Variants in FHAD1 observed in about 807,000 individuals in gnomAD.
FHAD1 encodes the protein forkhead-associated domain-containing protein 1.
FHAD1 carries 146 observed loss-of-function variants against 191.3 expected under a neutral mutation model. That is an observed-to-expected ratio of 0.76 (90% CI 0.67 to 0.88). The LOEUF (loss-of-function observed/expected upper bound fraction) is 0.88. Ranked by LOEUF, FHAD1 falls within the 40% of genes least tolerant of loss-of-function variation. The pLI is 0.00. For missense variants in FHAD1, 1,635 were observed against 1,785.8 expected, an observed-to-expected ratio of 0.92 and a Z score of 1.52; for synonymous variants, 616 against 672.3, an observed-to-expected ratio of 0.92 and a Z score of 1.29.
At chr1:15,284,680 C>T (rs1314762664) in intron 3 of FHAD1, among the ~76,000 whole-genome samples, 1 of 151,962 alleles carries the variant, frequency 6.6e-6, no homozygotes, top group East Asian at 1.9e-4. Context: ...CAGATGTTAG[C>T]GTAATAACAC....
chr1:15,278,475 C>CTTTTTCTTTTT (rs1659300954), intron 3 of FHAD1, among the ~76,000 whole-genome samples: 1 of 124,324 alleles, frequency 8.0e-6, no homozygotes, highest in Admixed American at 8.4e-5. Flanking sequence ...TTCATTACCT[C>CTTTTTCTTTTT]TTTTTTTTTT....
chr1:15,396,025 A>G lies in FHAD1; in HGVS notation c.4324-1272A>G, dbSNP rs118051654. On this transcript the variant is annotated intron_variant, in intron 33 of 33. Coordinates refer to ENST00000688493, the MANE Select transcript of FHAD1 (RefSeq NM_001391957.1). Reference sequence around the variant, plus strand: ...TGGTTTCAAACTAAAAAATATGTAAAGGGACCAGGCTTGGTGGCTCACACC... The same window carrying G: ...TGGTTTCAAACTAAAAAATATGTAAGGGGACCAGGCTTGGTGGCTCACACC... 8.9e-4 allele frequency among the ~76,000 whole-genome samples: 135 copies of G among 152,320 alleles called. 1 individual carries two copies. In the East Asian group the frequency reaches 0.023, roughly 26 times the overall value.
At chr1:15,390,814 G>T (rs1445565287) in intron 32 of FHAD1, among the ~76,000 whole-genome samples, 1 of 152,164 alleles carries the variant, frequency 6.6e-6, no homozygotes, top group Non-Finnish European at 1.5e-5. Context: ...GAGCCATTGG[G>T]ATACCGAGGT....
At chr1:15,370,319 A>G (rs937089669) in intron 26 of FHAD1, among the ~76,000 whole-genome samples, 2 of 152,232 alleles carry the variant, frequency 1.3e-5, no homozygotes, top group East Asian at 1.9e-4. Flanking sequence ...TGCTAATGGT[A>G]TCAAACCATG....
chr1:15,344,663 C>G (rs754893744), intron 16 of FHAD1, among the ~76,000 whole-genome samples: 1 of 152,214 alleles, frequency 6.6e-6, no homozygotes, highest in Non-Finnish European at 1.5e-5. Flanking sequence ...GAGTTAGAAT[C>G]CCTCCTCTTG....
upstream of FHAD1, among the ~76,000 whole-genome samples, chr1:15,246,810 A>AT (rs1271257648): frequency 2.0e-5 from 3 of 151,970 alleles, no homozygotes; most frequent in East Asian, 3.9e-4. Flanking sequence ...ACTCCCAGAG[A>AT]TCCCCTCTTC....
rs1345961862 is a variant in FHAD1, at chr1:15,324,577, C to T, written c.1473+18C>T. 4.0e-6 allele frequency: 6 copies of T among 1,514,082 alleles called. No individual in the cohort carries two copies. The highest frequency in any genetic ancestry group is 9.0e-7 in the Non-Finnish European group (1 of 1,112,912). The allele number at this position is 1,514,082 out of a possible 1,614,324, so 93.8% of individuals were successfully genotyped here. ...TAGGTCAGGTAGGCATGTTCCAGAG[C>T]CCCCCTCATTGGCCCACGCTCTCCA... On this transcript the variant is annotated intron_variant, in intron 11 of 33. Transcript: ENST00000688493.
At chr1:15,292,353 A>G (rs1030223520) in intron 4 of FHAD1, among the ~76,000 whole-genome samples, 1 of 151,340 alleles carries the variant, frequency 6.6e-6, no homozygotes, top group Admixed American at 6.6e-5. Context: ...TGTCTTTTTG[A>G]GACGGAGTCT....
intron 5 of FHAD1, among the ~76,000 whole-genome samples, chr1:15,297,718 G>A (rs551555165): frequency 2.6e-5 from 4 of 152,278 alleles, no homozygotes; most frequent in South Asian, 2.1e-4. Flanking sequence ...GCAGTCAGCC[G>A]GTGGCGTGGC....
intron 4 of FHAD1, among the ~76,000 whole-genome samples, chr1:15,294,279 A>G (rs1055499121): frequency 9.2e-5 from 14 of 152,172 alleles, no homozygotes; most frequent in African/African-American, 3.1e-4. Context: ...TTTGCTTTCG[A>G]TTTGAAAAAT....
At chr1:15,295,816 T>C (rs948828668) in intron 4 of FHAD1, among the ~76,000 whole-genome samples, 2 of 152,220 alleles carry the variant, frequency 1.3e-5, no homozygotes, top group Non-Finnish European at 2.9e-5. Flanking sequence ...GTGTTGCAAC[T>C]ACTCAACTCT....
At position 15,240,956 on chromosome 1, in the gene FHAD1, CAA is replaced by C. The variant is rs55740154; in HGVS notation, c.-15+4214_-15+4215del. Among the ~76,000 whole-genome samples, 42 of 124,798 alleles carry C rather than the reference CAA, an allele frequency of 3.4e-4. 3 individuals are homozygous for C. Among genetic ancestry groups the C allele is most frequent in the South Asian group, 1.1e-3 (4 of 3,706 alleles). 81.9% of individuals were successfully genotyped at this position (124,798 alleles called of 152,430 possible). A position where few individuals can be genotyped will look rare whatever the true frequency, so the allele number is the denominator to read the frequency against. On this transcript the variant is annotated intron_variant, in intron 1 of 33. Transcript: ENST00000683790. ...AGGCTGACAGAGCGAGACTCTATCT[CAA>C]AAAAAAAAAAAAAAAAAAGAAAGAA...
Position 15,329,724 on chromosome 1 carries a change from T to C in FHAD1, c.1906+183T>C. On this transcript the variant is annotated intron_variant, in intron 14 of 33. Coordinates refer to ENST00000688493, the MANE Select transcript of FHAD1 (RefSeq NM_001391957.1). This position sits in a 1 kb window ranked among gnomAD's most constrained non-coding sequence, Gnocchi z 5.0. ...TCCATTAAAAAAAAAAACACACACA[T>C]ACAAGTGAGACACGATAACTGAAGA... is the stretch of plus-strand genomic sequence containing the variant. 1.9e-6 allele frequency: 1 copy of C among 536,096 alleles called. No homozygotes were observed. Among genetic ancestry groups the C allele is most frequent in the Non-Finnish European group, 3.3e-6 (1 of 300,788 alleles). The allele number at this position is 536,096 out of a possible 1,614,324, so 33.2% of individuals were successfully genotyped here. A position where few individuals can be genotyped will look rare whatever the true frequency, so the allele number is the denominator to read the frequency against.
intron 31 of FHAD1, among the ~76,000 whole-genome samples, chr1:15,386,794 G>A (rs766134593): frequency 1.3e-5 from 2 of 151,978 alleles, no homozygotes; most frequent in Admixed American, 6.6e-5. Context: ...AACCCTTAGC[G>A]AACACAACCT....
At chr1:15,401,070 G>T (rs1570746462), downstream of FHAD1, among the ~76,000 whole-genome samples, 1 of 152,124 alleles carries the variant, frequency 6.6e-6, no homozygotes, top group Non-Finnish European at 1.5e-5. Flanking sequence ...GCCAGTTCCA[G>T]TACCTGCCCT....
chr1:15,240,329 G>T (rs1645202549), intron 1 of FHAD1, among the ~76,000 whole-genome samples: 1 of 152,176 alleles, frequency 6.6e-6, no homozygotes, highest in African/African-American at 2.4e-5. Flanking sequence ...ATAACAATGT[G>T]AGCTTGAAAC....
intron 31 of FHAD1, chr1:15,383,351 C>G (rs1012269389): frequency 2.4e-6 from 1 of 423,576 alleles, no homozygotes; most frequent in African/African-American, 2.0e-5. Context: ...ACTGCCTTCC[C>G]CATGCTGCCC....
At chr1:15,239,118 T>C (rs1645086844) in intron 1 of FHAD1, among the ~76,000 whole-genome samples, 2 of 152,206 alleles carry the variant, frequency 1.3e-5, no homozygotes, top group South Asian at 4.1e-4. Context: ...ATGTTGCCTA[T>C]GCTGGTTCAA....
intron 14 of FHAD1, among the ~76,000 whole-genome samples, chr1:15,331,297 T>C (rs1168992154): frequency 6.6e-6 from 1 of 151,728 alleles, no homozygotes; most frequent in East Asian, 1.9e-4. Context: ...AGAGAGCATG[T>C]GCCACACAGC....
Sources: gnomAD v4.1 joint callset for allele counts (sites outside exome capture counted in the v4.1 genomes callset) on GRCh38, gnomAD v4.1.1 for gene constraint, Gnocchi (gnomAD v3.1) non-coding constraint, MANE v1.5 for transcripts, NCBI Gene and HGNC (gene_info 2026-07-23, HGNC 2026-07-21) for gene names.